SF3A2: variants seen among roughly 807,000 people sequenced by gnomAD.
The protein encoded by SF3A2 is splicing factor 3a subunit 2.
A neutral mutation model predicts 31.1 loss-of-function variants in SF3A2; 5 were observed. The observed-to-expected ratio is 0.16, with a 90% confidence interval of 0.08 to 0.34. The LOEUF (loss-of-function observed/expected upper bound fraction) is 0.34, where lower values mean the gene tolerates loss of function less well. Among genes scored for constraint, SF3A2 ranks in the 10% least tolerant of loss-of-function variants. The probability of loss-of-function intolerance (pLI) is 1.00; values close to 1 mark genes in which losing one functional copy is unlikely to be tolerated. For missense variants in SF3A2, 577 were observed against 643.9 expected, an observed-to-expected ratio of 0.90 and a Z score of 1.13; for synonymous variants, 365 against 263.7, an observed-to-expected ratio of 1.38 and a Z score of -3.72.
Position 2,247,958 on chromosome 19 carries a change from T to TGCGCCCTCAGGGCCC in SF3A2, c.808_822dup (p.Ala270_Pro274dup). ...TGCCACCCATGCCCCCCACAGGGCC[T>TGCGCCCTCAGGGCCC]GCGCCCTCAGGGCCCCCGGGACCAC... On this transcript the variant is annotated inframe_insertion, in exon 9 of 9. Coordinates refer to ENST00000221494, the MANE Select transcript of SF3A2 (RefSeq NM_007165.5). 7.6e-7 allele frequency: 1 copy of TGCGCCCTCAGGGCCC among 1,311,546 alleles called. No homozygotes were observed. Among genetic ancestry groups the TGCGCCCTCAGGGCCC allele is most frequent in the Non-Finnish European group, 1.1e-6 (1 of 942,724 alleles). 81.2% of individuals were successfully genotyped at this position (1,311,546 alleles called of 1,614,324 possible).
Position 2,245,939 on chromosome 19 carries a change from C to T in SF3A2, c.355+384C>T. The stretch of plus-strand genomic sequence containing the variant: ...GACAGGGAGAAGCGGCTGTTAGAGG[C>T]AGCTCCTCCCGGACCCTCAGCAGTG... On this transcript the variant is annotated intron_variant, in intron 5 of 8. Transcript: ENST00000221494. The surrounding 1 kb of genome is among the most constrained non-coding windows in gnomAD (Gnocchi z 4.2). The T allele has an allele frequency of 1.2e-5, 3 of 243,530 alleles. No individual in the cohort carries two copies. The South Asian group carries it at 1.7e-4, about 14-fold the overall frequency. 15.1% of individuals were successfully genotyped at this position (243,530 alleles called of 1,614,324 possible). A position where few individuals can be genotyped will look rare whatever the true frequency, so the allele number is the denominator to read the frequency against.
chr19:2,237,124 C>T (rs551696726), intron 1 of SF3A2, among the ~76,000 whole-genome samples: 1 of 152,026 alleles, frequency 6.6e-6, no homozygotes, highest in Admixed American at 6.5e-5. Context: ...TATTTCCAAA[C>T]TCCTGTTGGG....
At position 2,248,564 on chromosome 19, in the gene SF3A2, C is replaced by T; in HGVS notation, c.*18C>T. Reference sequence around the variant, plus strand: ...CCAACTGAGAAGCTGCTCCCTCCCCCAGCAAGCCCAGCGCCAGGTGCTCTT... The same window carrying T: ...CCAACTGAGAAGCTGCTCCCTCCCCTAGCAAGCCCAGCGCCAGGTGCTCTT... On this transcript the variant is annotated 3_prime_UTR_variant, in exon 9 of 9. Coordinates refer to ENST00000221494, the MANE Select transcript of SF3A2 (RefSeq NM_007165.5). 2.4e-6 allele frequency: 2 copies of T among 840,870 alleles called. No individual in the cohort carries two copies. The highest frequency in any genetic ancestry group is 3.7e-5 in the South Asian group (1 of 26,720). 52.1% of individuals were successfully genotyped at this position (840,870 alleles called of 1,614,324 possible).
rs1477833926 is a variant in SF3A2 at position 2,241,354 on chromosome 19, T to C, written c.-37-2028T>C. Among the ~76,000 whole-genome samples the C allele has an allele frequency of 2.6e-5, 4 of 152,236 alleles. No individual in the cohort carries two copies. The South Asian group carries it at 8.3e-4, about 32-fold the overall frequency. The stretch of plus-strand genomic sequence containing the variant: ...TGCTGAGATGCGTGGAGGACTGTGG[T>C]TTCTGTGATGTGTGGAGAGGCAAGT... On this transcript the variant is annotated intron_variant, in intron 1 of 8. Transcript: ENST00000221494.
chr19:2,246,621 C>G lies in SF3A2; in HGVS notation c.356-132C>G. On this transcript the variant is annotated intron_variant, in intron 5 of 8. Coordinates refer to ENST00000221494, the MANE Select transcript of SF3A2 (RefSeq NM_007165.5). The surrounding 1 kb of genome is among the most constrained non-coding windows in gnomAD (Gnocchi z 5.5). Reference sequence around the variant, plus strand: ...ATCCCAGAGCCTGGGCGGAGATTGTCTAATGGTTGCCAGAGCTGCAGGGCC... The same window carrying G: ...ATCCCAGAGCCTGGGCGGAGATTGTGTAATGGTTGCCAGAGCTGCAGGGCC... 2 of 1,004,016 alleles carry G rather than the reference C, an allele frequency of 2.0e-6. No individual in the cohort carries two copies. Among genetic ancestry groups the G allele is most frequent in the South Asian group, 3.0e-5 (2 of 67,522 alleles). 62.2% of individuals were successfully genotyped at this position (1,004,016 alleles called of 1,614,324 possible).
rs1245991209 is a variant in SF3A2 at position 2,248,420 on chromosome 19, T to C, written c.1269T>C (p.Pro423=). 1.5e-6 allele frequency: 2 copies of C among 1,360,106 alleles called. No homozygotes were observed. The highest frequency in any genetic ancestry group is 9.4e-7 in the Non-Finnish European group (1 of 1,062,698). 84.3% of individuals were successfully genotyped at this position (1,360,106 alleles called of 1,614,324 possible). A position where few individuals can be genotyped will look rare whatever the true frequency, so the allele number is the denominator to read the frequency against. The change falls in exon 9 of 9, where the codon CCT becomes CCC. Residue 423 remains proline (P), a synonymous_variant. Transcript: ENST00000221494. Reference sequence around the variant, plus strand: ...ATCCGTCGGCTCCTGGGGTCCACCCTCAGCCTCCGGGAGTTCACCCCTCAA... The same window carrying C: ...ATCCGTCGGCTCCTGGGGTCCACCCCCAGCCTCCGGGAGTTCACCCCTCAA... ...GVHPSAPGVH[P]QPPGVHPSNP...
At position 2,244,684 on chromosome 19, in the gene SF3A2, GTGTC is replaced by G. The variant is rs757820725; in HGVS notation, c.199-44_199-41del. 112 of 1,612,374 alleles carry G rather than the reference GTGTC, an allele frequency of 6.9e-5. 2 individuals are homozygous for G. In the South Asian group the frequency reaches 1.2e-3, roughly 18 times the overall value. On this transcript the variant is annotated intron_variant, in intron 3 of 8. Transcript: ENST00000221494. ...TGGCTGACGTCAGGGGGACCTGCCT[GTGTC>G]TGTCCGCCCGGCCTCGAGTCATGCG...
rs140276070 is a variant in SF3A2 at position 2,244,413 on chromosome 19, C to T, written c.127-131C>T. 1.0e-3 allele frequency: 727 copies of T among 707,492 alleles called. 4 individuals carry two copies. Among genetic ancestry groups the T allele is most frequent in the South Asian group, 1.5e-3 (86 of 58,302 alleles). The allele number at this position is 707,492 out of a possible 1,614,324, so 43.8% of individuals were successfully genotyped here. On this transcript the variant is annotated intron_variant, in intron 2 of 8. Transcript: ENST00000221494. ...TTCAGAAATGCTTGACCACTGTCAG[C>T]GGTAGCCATGCCTCTACAGAAGGGG...
chr19:2,247,739 C>T (rs1568390524), intron 8 of SF3A2, 28 bp from the exon 9 acceptor site: 4 of 1,611,624 alleles, frequency 2.5e-6, no homozygotes, highest in South Asian at 1.1e-5. Context: ...CCCACCCGTG[C>T]CTGCTGAACC....
At chr19:2,243,756 ATGTTTTGTTCTGTCCACAGCCTTC>A (rs1235853867) in intron 2 of SF3A2, among the ~76,000 whole-genome samples, 2 of 152,212 alleles carry the variant, frequency 1.3e-5, no homozygotes, top group Non-Finnish European at 2.9e-5. Flanking sequence ...CCATGTGGAC[ATGTTTTGTTCTGTCCACAGCCTTC>A]TGTTTTGCAT....
In SF3A2 at chr19:2,247,596, G is replaced by A. The variant is rs760308495; in HGVS notation, c.549G>A (p.Val183=). The A allele has an allele frequency of 3.7e-6, 6 of 1,613,276 alleles. No individual in the cohort carries two copies. Among genetic ancestry groups the A allele is most frequent in the Non-Finnish European group, 5.1e-6 (6 of 1,179,732 alleles). ...CTCTCTGTCCCCCGCCCTCCCAGGT[G>A]CCGAGCAGAGAGATCGACAAGGCGG... is the stretch of plus-strand genomic sequence containing the variant. ...AEPYETIAFK[V]PSREIDKAEG... is the part of the protein sequence containing the mutation. Residue 183 remains valine, a splice_region_variant and synonymous_variant, in exon 8 of 9, where the codon GTG becomes GTA. Coordinates refer to ENST00000221494, the MANE Select transcript of SF3A2 (RefSeq NM_007165.5).
At position 2,246,355 on chromosome 19, in the gene SF3A2, CCT is replaced by C. The variant is rs974157921; in HGVS notation, c.356-392_356-391del. Among the ~76,000 whole-genome samples the C allele has an allele frequency of 1.3e-5, 2 of 152,132 alleles. No individual in the cohort carries two copies. Among genetic ancestry groups the C allele is most frequent in the Admixed American group, 6.5e-5 (1 of 15,278 alleles). On this transcript the variant is annotated intron_variant, in intron 5 of 8. Coordinates refer to ENST00000221494, the MANE Select transcript of SF3A2 (RefSeq NM_007165.5). The surrounding 1 kb of genome is among the most constrained non-coding windows in gnomAD (Gnocchi z 5.5). ...TGCTGAGCTCTGGCGGGAAGGGCAT[CCT>C]CTCTCGCTCACCGTATACATGGTGT...
chr19:2,247,348 G>A (rs2024947538), intron 7 of SF3A2: 3 of 579,414 alleles, frequency 5.2e-6, no homozygotes, highest in South Asian at 4.5e-5. Context: ...TGGACAGGGC[G>A]GCCATCAGGA....
chr19:2,240,407 C>G (rs2041112), intron 1 of SF3A2, among the ~76,000 whole-genome samples: 133,326 of 152,304 alleles, frequency 0.88, 58,571 homozygotes, highest in Non-Finnish European at 0.91. Flanking sequence ...GTGGGCGATC[C>G]GAGCGTGGGA....
At chr19:2,242,959 CAG>C (rs138286480) in intron 1 of SF3A2, among the ~76,000 whole-genome samples, 108 of 152,302 alleles carry the variant, frequency 7.1e-4, no homozygotes, top group African/African-American at 2.6e-3. Context: ...AGAGGGAATT[CAG>C]AGGAAGGCGT....
Position 2,245,903 on chromosome 19 carries a change from C to G in SF3A2, c.355+348C>G, listed in dbSNP as rs958591422. ...ACATCCCTCCGGTTAACCTTGAAGC[C>G]TTTGAAGGAGGACAGGGAGAAGCGG... On this transcript the variant is annotated intron_variant, in intron 5 of 8. Transcript: ENST00000221494. The surrounding 1 kb of genome is among the most constrained non-coding windows in gnomAD (Gnocchi z 4.2). 7 of 302,138 alleles carry G rather than the reference C, an allele frequency of 2.3e-5. No individual in the cohort carries two copies. Among genetic ancestry groups the G allele is most frequent in the African/African-American group, 1.5e-4 (7 of 46,134 alleles). The allele number at this position is 302,138 out of a possible 1,614,324, so 18.7% of individuals were successfully genotyped here. A position where few individuals can be genotyped will look rare whatever the true frequency, so the allele number is the denominator to read the frequency against.
chr19:2,243,398 T>C lies in SF3A2; in HGVS notation c.-21T>C. 2 of 1,517,894 alleles carry C rather than the reference T, an allele frequency of 1.3e-6. No homozygotes were observed. Among genetic ancestry groups the C allele is most frequent in the Non-Finnish European group, 1.8e-6 (2 of 1,138,960 alleles). 94.0% of individuals were successfully genotyped at this position (1,517,894 alleles called of 1,614,324 possible). A position where few individuals can be genotyped will look rare whatever the true frequency, so the allele number is the denominator to read the frequency against. The stretch of plus-strand genomic sequence containing the variant: ...CCTCCACAGGTGTCTCCCAGTCTGC[T>C]AAAGCCCTAAGGCCATCACCATGGA... On this transcript the variant is annotated 5_prime_UTR_variant, in exon 2 of 9. Transcript: ENST00000221494.
intron 1 of SF3A2, among the ~76,000 whole-genome samples, chr19:2,240,042 C>T (rs1344973500): frequency 1.3e-5 from 2 of 152,238 alleles, no homozygotes; most frequent in Non-Finnish European, 2.9e-5. Context: ...TGTGTGAGCG[C>T]CACTTCTCAT....
At chr19:2,244,505 C>T (rs766174260) in intron 2 of SF3A2, 39 bp from the exon 3 acceptor site, 31 of 1,563,316 alleles carry the variant, frequency 2.0e-5, no homozygotes, top group East Asian at 1.1e-4. Flanking sequence ...CAGCAGGCCG[C>T]GATCTTCTGT....
Sources: gnomAD v4.1 joint callset for allele counts (sites outside exome capture counted in the v4.1 genomes callset) on GRCh38, gnomAD v4.1.1 for gene constraint, Gnocchi (gnomAD v3.1) non-coding constraint, MANE v1.5 for transcripts, NCBI Gene and HGNC (gene_info 2026-07-23, HGNC 2026-07-21) for gene names.